The following PALB2 variants were observed in gnomAD, a reference collection of about 807,000 sequenced individuals.
PALB2 encodes the protein partner and localizer of BRCA2.
In PALB2, 82 loss-of-function variants were observed where a neutral mutation model predicts 107.4. That is an observed-to-expected ratio of 0.76 (90% CI 0.64 to 0.92). PALB2 has a LOEUF of 0.92. Among genes scored for constraint, PALB2 ranks in the 40% least tolerant of loss-of-function variants. The pLI is 0.00. For missense variants in PALB2, 1,374 were observed against 1,379.9 expected (o/e 1.00, Z 0.07); for synonymous variants, 489 against 496.8 (o/e 0.98, Z 0.21).
At position 23,630,358 on chromosome 16, in the gene PALB2, C is replaced by G. The variant is rs1486577055; in HGVS notation, c.1796G>C (p.Ser599Thr). ...GAGAAAAGACAGTAGTTGCTTTAAACTCAGCATTCCATCCCTATGAAATGG... is the reference window on the plus strand; with the variant it reads ...GAGAAAAGACAGTAGTTGCTTTAAAGTCAGCATTCCATCCCTATGAAATGG... ...TAPFHRDGMLSLKQLLSFLSI... is the reference protein window; with the variant it reads ...TAPFHRDGMLTLKQLLSFLSI... The change falls in exon 5 of 13, where the codon AGT becomes ACT. Residue 599 changes from serine to threonine, a missense_variant. Physicochemically the swap from Ser to Thr is moderately conservative, Grantham distance 58. Transcript: ENST00000261584. 1.2e-6 allele frequency: 2 copies of G among 1,614,148 alleles called. No individual in the cohort carries two copies. Among genetic ancestry groups the G allele is most frequent in the South Asian group, 2.2e-5 (2 of 91,076 alleles).
At chr16:23,627,641 A>G (rs968683347) in intron 6 of PALB2, among the ~76,000 whole-genome samples, 26 of 152,218 alleles carry the variant, frequency 1.7e-4, no homozygotes, top group Admixed American at 1.5e-3. Context: ...AATGATTTAC[A>G]GTTATCCTGT....
At chr16:23,611,528 G>A (rs186031912) in intron 11 of PALB2, among the ~76,000 whole-genome samples, 6 of 151,442 alleles carry the variant, frequency 4.0e-5, no homozygotes, top group African/African-American at 1.2e-4. Flanking sequence ...GCACACTCTC[G>A]GCTCACTACA....
At chr16:23,632,214 CAGGTGG>C (rs1966884726) in intron 4 of PALB2, among the ~76,000 whole-genome samples, 1 of 152,168 alleles carries the variant, frequency 6.6e-6, no homozygotes, top group African/African-American at 2.4e-5. Context: ...AGGCTGAAGG[CAGGTGG>C]ATCACTTGAG....
rs515726123 is a variant in PALB2, at chr16:23,636,035, ATC to A, written c.509_510del (p.Arg170IlefsTer14). The A allele has an allele frequency of 1.9e-5, 30 of 1,614,006 alleles. No individual in the cohort carries two copies. Among genetic ancestry groups the A allele is most frequent in the Non-Finnish European group, 2.5e-5 (29 of 1,180,016 alleles). Reference sequence around the variant, plus strand: ...TGTTCCTTTAGTCTTTTCCCAGACAATCTGAGTGAATCAGTGCCAAAGACACA... The same window carrying A: ...TGTTCCTTTAGTCTTTTCCCAGACAATGAGTGAATCAGTGCCAAAGACACA... ...RDCVFGTDSL[R>X]LSGKRLKEQE... On this transcript the variant is annotated frameshift_variant, in exon 4 of 13. Coordinates refer to ENST00000261584, the MANE Select transcript of PALB2 (RefSeq NM_024675.4). LOFTEE classifies it high-confidence loss of function.
intron 10 of PALB2, among the ~76,000 whole-genome samples, chr16:23,619,409 G>A (rs376312548): frequency 3.9e-5 from 6 of 152,040 alleles, no homozygotes; most frequent in Admixed American, 6.6e-5. Context: ...GTGCAGTGGC[G>A]CGATCTCGGC....
intron 4 of PALB2, among the ~76,000 whole-genome samples, chr16:23,633,634 T>C (rs1966912364): frequency 6.6e-6 from 1 of 152,174 alleles, no homozygotes; most frequent in Admixed American, 6.5e-5. Flanking sequence ...GCATTAGATA[T>C]TTTATCCAAA....
chr16:23,610,320 T>A (rs139005509), intron 11 of PALB2, among the ~76,000 whole-genome samples: 2 of 151,730 alleles, frequency 1.3e-5, no homozygotes, highest in South Asian at 2.1e-4. Flanking sequence ...TTTTTTTTTT[T>A]TTTTTTTGAG....
In PALB2 at chr16:23,636,057, G is replaced by A. The variant is rs1967043668; in HGVS notation, c.489C>T (p.Val163=). 6.2e-7 allele frequency: 1 copy of A among 1,614,038 alleles called. No homozygotes were observed. Among genetic ancestry groups the A allele is most frequent in the Non-Finnish European group, 8.5e-7 (1 of 1,180,010 alleles). Residue 163 remains valine, a synonymous_variant, in exon 4 of 13, where the codon GTC becomes GTT. Transcript: ENST00000261584. The stretch of plus-strand genomic sequence containing the variant: ...ACAATCTGAGTGAATCAGTGCCAAA[G>A]ACACAGTCTCTCTCCTGTGAAATAA... ...RTFISQERDC[V]FGTDSLRLSG... is the part of the protein sequence containing the mutation.
At chr16:23,638,166 G>A in intron 1 of PALB2, 37 bp from the exon 2 acceptor site, 4 of 1,568,940 alleles carry the variant, frequency 2.5e-6, no homozygotes, top group South Asian at 1.1e-5. Context: ...CTGGGCAAGT[G>A]GAAAGGTGGA....
At position 23,607,847 on chromosome 16, in the gene PALB2, C is replaced by A; in HGVS notation, c.3350+17G>T. On this transcript the variant is annotated intron_variant, in intron 12 of 12. Transcript: ENST00000261584. The stretch of plus-strand genomic sequence containing the variant: ...TCAGAATGTCCCACCCATAGAGTAG[C>A]AGTTATGCACACTTGCCTGCCAGCC... The A allele has an allele frequency of 6.2e-7, 1 of 1,613,482 alleles. No individual in the cohort carries two copies. Among genetic ancestry groups the A allele is most frequent in the Non-Finnish European group, 8.5e-7 (1 of 1,179,860 alleles).
intron 4 of PALB2, among the ~76,000 whole-genome samples, chr16:23,633,242 A>C (rs747688662): frequency 2.0e-5 from 3 of 152,226 alleles, no homozygotes; most frequent in Non-Finnish European, 2.9e-5. Flanking sequence ...CAGCTTATAG[A>C]CCAAGTCCAT....
Position 23,623,035 on chromosome 16 carries a change from A to G in PALB2, c.2930T>C (p.Leu977Pro), listed in dbSNP as rs1060499825. The change falls in exon 9 of 13, where the codon CTA becomes CCA. Residue 977 changes from leucine (L) to proline (P), a missense_variant. By Grantham distance (98) the Leu-to-Pro change is moderately conservative. Coordinates refer to ENST00000261584, the MANE Select transcript of PALB2 (RefSeq NM_024675.4). ...AGAAAGGGTCCCACTGCTACTAACT[A>G]GCCTCCTCTTTGTCAGGCCAAGCAC... The part of the protein sequence containing the change: ...KAVLGLTKRR[L>P]VSSSGTLSDQ... 1 of 1,614,120 alleles carries G rather than the reference A, an allele frequency of 6.2e-7. No homozygotes were observed. Among genetic ancestry groups the G allele is most frequent in the South Asian group, 1.1e-5 (1 of 91,076 alleles).
At chr16:23,603,692 T>C (rs369719311) in intron 12 of PALB2, 23 bp from the exon 13 acceptor site, 1 of 1,593,126 alleles carries the variant, frequency 6.3e-7, no homozygotes, top group African/African-American at 1.4e-5. Context: ...AAAGAAGATA[T>C]AATTCAGATT....
intron 6 of PALB2, among the ~76,000 whole-genome samples, chr16:23,627,328 A>G (rs1597086299): frequency 6.6e-6 from 1 of 151,802 alleles, no homozygotes; most frequent in African/African-American, 2.4e-5. Flanking sequence ...TCTACTAAAA[A>G]TACAAAAAAT....
At chr16:23,640,036 C>A (rs1027182008) in intron 1 of PALB2, among the ~76,000 whole-genome samples, 8 of 152,080 alleles carry the variant, frequency 5.3e-5, no homozygotes, top group African/African-American at 1.9e-4. Context: ...GGACTACAGG[C>A]TGGCGTCACC....
intron 4 of PALB2, among the ~76,000 whole-genome samples, chr16:23,633,457 A>C (rs912498609): frequency 6.6e-6 from 1 of 152,184 alleles, no homozygotes; most frequent in Non-Finnish European, 1.5e-5. Flanking sequence ...CCATTCTAGA[A>C]AGTATGCTGA....
In PALB2 at chr16:23,634,208, C is replaced by A. The variant is rs143157486; in HGVS notation, c.1684+654G>T. On this transcript the variant is annotated intron_variant, in intron 4 of 12. Transcript: ENST00000261584. ...CCATACCGCCAGGTTTGAATCCTGG[C>A]TCTGTGATTTTAATTAAATTAAGTA... 5.9e-4 allele frequency among the ~76,000 whole-genome samples: 90 copies of A among 152,324 alleles called. 1 individual carries two copies. Among genetic ancestry groups the A allele is most frequent in the African/African-American group, 2.1e-3 (89 of 41,564 alleles).
In PALB2 at chr16:23,641,201, G is replaced by C. The variant is rs1235399807; in HGVS notation, c.-44C>G. 2.1e-5 allele frequency: 33 copies of C among 1,602,584 alleles called. No homozygotes were observed. The highest frequency in any genetic ancestry group is 2.8e-5 in the Non-Finnish European group (33 of 1,175,362). On this transcript the variant is annotated 5_prime_UTR_variant, in exon 1 of 13. Coordinates refer to ENST00000261584, the MANE Select transcript of PALB2 (RefSeq NM_024675.4). ...AAAAGAGCAGCCGTCGCCGACCCCA[G>C]GCCTGCCGACACCGGGACCCAGTTG...
chr16:23,640,438 A>G (rs1286775632), intron 1 of PALB2: 2 of 199,768 alleles, frequency 1.0e-5, no homozygotes, highest in Non-Finnish European at 2.1e-5. Flanking sequence ...CAGGAAGCGG[A>G]GGTTGCAGTG....
Sources: gnomAD v4.1 joint callset for allele counts (sites outside exome capture counted in the v4.1 genomes callset) on GRCh38, gnomAD v4.1.1 for gene constraint, MANE v1.5 for transcripts, NCBI Gene and HGNC (gene_info 2026-07-23, HGNC 2026-07-21) for gene names.